Variants in CLECL1 observed in about 807,000 individuals in gnomAD.
The protein encoded by CLECL1 is C-type lectin like 1.
At chr12:9,710,264 T>G in the CLECL1 span, among the ~76,000 whole-genome samples, 3 of 152,184 alleles carry the variant, frequency 2.0e-5, no homozygotes, top group Admixed American at 6.5e-5. Flanking sequence ...ACTCCAAATG[T>G]TCAGGCAACC....
intron 3 of CLECL1, among the ~76,000 whole-genome samples, chr12:9,725,327 A>G (rs760072209): frequency 3.9e-5 from 6 of 152,116 alleles, no homozygotes; most frequent in Non-Finnish European, 5.9e-5. Flanking sequence ...TTAAGTTCAT[A>G]CTGTTGCCTA....
chr12:9,722,469 A>AG, downstream of CLECL1: 1 of 1,260,510 alleles, frequency 7.9e-7, no homozygotes, highest in East Asian at 3.0e-5. Flanking sequence ...CCTAGCCGGA[A>AG]AAAAAAAAAA....
At chr12:9,732,859 T>A in intron 1 of CLECL1, 90 bp downstream of exon 1, 1 of 1,107,640 alleles carries the variant, frequency 9.0e-7, no homozygotes, top group South Asian at 1.7e-5. Flanking sequence ...AATCTCCTCT[T>A]TTCAGTTTGG....
the CLECL1 span, among the ~76,000 whole-genome samples, chr12:9,705,884 CT>C: frequency 1.3e-5 from 2 of 152,052 alleles, no homozygotes; most frequent in Non-Finnish European, 2.9e-5. Flanking sequence ...TATTCAGGCT[CT>C]TTTTTATTCC....
At chr12:9,731,620 A>T (rs1866448499) in intron 1 of CLECL1, among the ~76,000 whole-genome samples, 1 of 152,254 alleles carries the variant, frequency 6.6e-6, no homozygotes, top group African/African-American at 2.4e-5. Context: ...CACCACACGT[A>T]TACAGCACAA....
downstream of CLECL1, among the ~76,000 whole-genome samples, chr12:9,711,177 G>A (rs993003902): frequency 6.6e-6 from 1 of 152,154 alleles, no homozygotes; most frequent in African/African-American, 2.4e-5. Context: ...TCCCCTAGAG[G>A]TTTGAGCAGG....
downstream of CLECL1, among the ~76,000 whole-genome samples, chr12:9,712,288 G>A (rs1187195751): frequency 6.6e-6 from 1 of 152,158 alleles, no homozygotes; most frequent in Non-Finnish European, 1.5e-5. Flanking sequence ...AAAAATGTAA[G>A]TCTAACGATG....
At chr12:9,717,705 T>G (rs1011969115), downstream of CLECL1, among the ~76,000 whole-genome samples, 2 of 152,230 alleles carry the variant, frequency 1.3e-5, no homozygotes, top group Non-Finnish European at 2.9e-5. Flanking sequence ...TATATTTGCC[T>G]GGGTCTATTT....
intron 1 of CLECL1, among the ~76,000 whole-genome samples, chr12:9,731,987 A>G (rs1288974854): frequency 5.9e-5 from 9 of 152,216 alleles, no homozygotes; most frequent in Non-Finnish European, 1.0e-4. Flanking sequence ...TCACTATTTC[A>G]TAGGAAGTGA....
At chr12:9,727,888 T>C (rs1229089628) in intron 2 of CLECL1, among the ~76,000 whole-genome samples, 5 of 151,802 alleles carry the variant, frequency 3.3e-5, no homozygotes, top group East Asian at 1.9e-4. Flanking sequence ...TTTAAAAGAA[T>C]TGGAAAAAAT....
chr12:9,716,652 C>T, exon 3 of CLECL1: 2 of 463,438 alleles, frequency 4.3e-6, no homozygotes, highest in Non-Finnish European at 6.4e-6. Context: ...GAGCTTTGTT[C>T]TCTTCATCAG....
At chr12:9,710,002 G>T in the CLECL1 span, among the ~76,000 whole-genome samples, 1 of 152,066 alleles carries the variant, frequency 6.6e-6, no homozygotes, top group South Asian at 2.1e-4. Context: ...AATTCCCAGG[G>T]TACACCTGTT....
chr12:9,711,235 G>C (rs1463238529), downstream of CLECL1, among the ~76,000 whole-genome samples: 1 of 152,086 alleles, frequency 6.6e-6, no homozygotes, highest in African/African-American at 2.4e-5. Context: ...CCCTGCAAGG[G>C]GATAAGGGAA....
the CLECL1 span, among the ~76,000 whole-genome samples, chr12:9,707,350 C>CA: frequency 1.1e-4 from 16 of 152,134 alleles, no homozygotes; most frequent in Admixed American, 1.0e-3. Flanking sequence ...GTATTAGCAT[C>CA]TAAAATTACA....
chr12:9,722,878 T>C, intron 3 of CLECL1, 65 bp from the exon 2 acceptor site: 1 of 1,208,218 alleles, frequency 8.3e-7, no homozygotes, highest in African/African-American at 1.5e-5. Context: ...TGTATACTAA[T>C]TGAAGGGTCT....
downstream of CLECL1, among the ~76,000 whole-genome samples, chr12:9,720,898 A>G (rs1467395455): frequency 6.6e-6 from 1 of 152,180 alleles, no homozygotes; most frequent in African/African-American, 2.4e-5. Flanking sequence ...GGATTTGTCT[A>G]TCCTAAATAA....
chr12:9,717,139 G>A (rs778320121), intron 2 of CLECL1, among the ~76,000 whole-genome samples: 4 of 152,198 alleles, frequency 2.6e-5, no homozygotes, highest in Non-Finnish European at 4.4e-5. Flanking sequence ...GACTGGGTGC[G>A]GTGGCTCATG....
chr12:9,733,158 G>C (rs1866474355), upstream of CLECL1: 3 of 1,613,910 alleles, frequency 1.9e-6, no homozygotes, highest in African/African-American at 2.7e-5. Flanking sequence ...CAAGTGGGTG[G>C]TGGACTTCCT....
chr12:9,722,588 C>T (rs114360227), downstream of CLECL1: 9,985 of 1,536,362 alleles, frequency 6.5e-3, 559 homozygotes, highest in African/African-American at 0.12. Flanking sequence ...GTTTGTAGCA[C>T]AAAAAATTCA....
Sources: gnomAD v4.1 joint callset for allele counts (sites outside exome capture counted in the v4.1 genomes callset) on GRCh38, gnomAD v4.1.1 for gene constraint, MANE v1.5 for transcripts, NCBI Gene and HGNC (gene_info 2026-07-23, HGNC 2026-07-21) for gene names.